The following NKAIN3 variants were observed in gnomAD, a reference collection of about 807,000 sequenced individuals.
NKAIN3 encodes sodium/potassium-transporting ATPase subunit beta-1-interacting protein 3.
NKAIN3 carries 25 observed loss-of-function variants against 30.2 expected under a neutral mutation model. The ratio of observed to expected loss-of-function variants is 0.83; its 90% CI spans 0.60 to 1.16. The LOEUF is 1.16. Among genes scored for constraint, NKAIN3 ranks in the 50% most tolerant of loss-of-function variants. NKAIN3 has a pLI of 0.00. For missense variants in NKAIN3, 225 were observed against 254.1 expected, an observed-to-expected ratio of 0.89 and a Z score of 0.78; for synonymous variants, 91 against 89.6, an observed-to-expected ratio of 1.02 and a Z score of -0.09.
rs1346222916 is a variant in NKAIN3, at chr8:62,743,409, G to A, written c.274-3523G>A. 2.0e-5 allele frequency among the ~76,000 whole-genome samples: 3 copies of A among 152,244 alleles called. No individual in the cohort carries two copies. The East Asian group carries it at 5.8e-4, about 29-fold the overall frequency. ...TGATACTTTTTTCCCCGTTGAAAGG[G>A]TCACAGTCCACACTCCTAAAACAAA... On this transcript the variant is annotated intron_variant, in intron 3 of 6. Transcript: ENST00000623646.
At chr8:62,603,091 T>C (rs888220306) in intron 3 of NKAIN3, among the ~76,000 whole-genome samples, 2 of 152,148 alleles carry the variant, frequency 1.3e-5, no homozygotes, top group African/African-American at 4.8e-5. Context: ...CGATTGAAGA[T>C]AAGATCATTG....
At position 62,457,448 on chromosome 8, in the gene NKAIN3, G is replaced by A. The variant is rs143680929; in HGVS notation, c.55-122091G>A. 1.1e-4 allele frequency among the ~76,000 whole-genome samples: 17 copies of A among 152,320 alleles called. No homozygotes were observed. The East Asian group carries it at 2.7e-3, about 24-fold the overall frequency. On this transcript the variant is annotated intron_variant, in intron 1 of 6. Coordinates refer to ENST00000623646, the MANE Select transcript of NKAIN3 (RefSeq NM_001304533.3). ...AAACATTGCAGTGATGGGTGATAGA[G>A]CAAATTCTTTCATCTGTTGGAGGGT...
intron 4 of NKAIN3, among the ~76,000 whole-genome samples, chr8:62,792,659 A>G (rs1443322532): frequency 6.7e-6 from 1 of 148,908 alleles, no homozygotes; most frequent in Non-Finnish European, 1.5e-5. Flanking sequence ...GGACCAAGGT[A>G]TCAAGGAAAA....
intron 3 of NKAIN3, among the ~76,000 whole-genome samples, chr8:62,622,252 T>C (rs1006853104): frequency 7.2e-5 from 11 of 152,088 alleles, no homozygotes; most frequent in Admixed American, 3.3e-4. Context: ...TGAACATTTA[T>C]GTACAGGTTT....
chr8:62,512,630 T>C (rs930147282), intron 1 of NKAIN3, among the ~76,000 whole-genome samples: 21 of 152,150 alleles, frequency 1.4e-4, no homozygotes, highest in African/African-American at 4.3e-4. Flanking sequence ...AGAAGTGACA[T>C]TGGGGAAGGA....
At chr8:62,509,266 C>T (rs570967419) in intron 1 of NKAIN3, among the ~76,000 whole-genome samples, 1 of 151,830 alleles carries the variant, frequency 6.6e-6, no homozygotes, top group Non-Finnish European at 1.5e-5. Flanking sequence ...TTCTTCTTAT[C>T]CCTCACCTCA....
chr8:62,286,945 G>C (rs1355992000), intron 1 of NKAIN3, among the ~76,000 whole-genome samples: 2 of 151,728 alleles, frequency 1.3e-5, no homozygotes, highest in East Asian at 3.9e-4. Flanking sequence ...ACTCTTTGCA[G>C]ACCTTTGAGG....
At chr8:62,318,135 T>C (rs1333948820) in intron 1 of NKAIN3, among the ~76,000 whole-genome samples, 2 of 152,250 alleles carry the variant, frequency 1.3e-5, no homozygotes, top group Non-Finnish European at 2.9e-5. Flanking sequence ...TTTTGTATCC[T>C]GTGACTTTGC....
chr8:62,510,397 C>T (rs976324816), intron 1 of NKAIN3, among the ~76,000 whole-genome samples: 1 of 152,152 alleles, frequency 6.6e-6, no homozygotes, highest in African/African-American at 2.4e-5. Context: ...CAAGGGCTAG[C>T]CTTCTCCTCT....
intron 1 of NKAIN3, among the ~76,000 whole-genome samples, chr8:62,308,047 T>A (rs1814311389): frequency 1.3e-5 from 2 of 150,492 alleles, no homozygotes; most frequent in Non-Finnish European, 2.9e-5. Flanking sequence ...TAGCATTATG[T>A]CAAGAGCTGT....
intron 1 of NKAIN3, among the ~76,000 whole-genome samples, chr8:62,462,754 A>T (rs1480071916): frequency 1.3e-5 from 2 of 152,190 alleles, no homozygotes; most frequent in Non-Finnish European, 2.9e-5. Flanking sequence ...AGACTTTTAG[A>T]TGAAAATCTG....
intron 4 of NKAIN3, among the ~76,000 whole-genome samples, chr8:62,843,701 G>A (rs555652352): frequency 2.1e-4 from 32 of 152,166 alleles, no homozygotes; most frequent in South Asian, 1.5e-3. Flanking sequence ...GAAATGTAAG[G>A]TAATAAATTT....
intron 1 of NKAIN3, among the ~76,000 whole-genome samples, chr8:62,284,157 G>A (rs1813294123): frequency 6.6e-6 from 1 of 152,072 alleles, no homozygotes; most frequent in South Asian, 2.1e-4. Context: ...GTTTGCCAGG[G>A]TGAGGTGGGC....
At chr8:62,508,640 A>C (rs964894880) in intron 1 of NKAIN3, among the ~76,000 whole-genome samples, 1 of 152,198 alleles carries the variant, frequency 6.6e-6, no homozygotes, top group Non-Finnish European at 1.5e-5. Flanking sequence ...TTCTTCAAAG[A>C]CGACAGAATC....
At chr8:62,870,776 G>T (rs1336562168) in intron 4 of NKAIN3, among the ~76,000 whole-genome samples, 1 of 138,602 alleles carries the variant, frequency 7.2e-6, no homozygotes, top group Non-Finnish European at 1.6e-5. Context: ...TATATAGAGA[G>T]ATATATATTG....
At chr8:62,470,649 A>G (rs1263298004) in intron 1 of NKAIN3, among the ~76,000 whole-genome samples, 1 of 152,154 alleles carries the variant, frequency 6.6e-6, no homozygotes, top group Non-Finnish European at 1.5e-5. Context: ...GATTTAGACA[A>G]TGAAAATACT....
chr8:62,973,889 C>T lies in NKAIN3; in HGVS notation c.*8482C>T, dbSNP rs1195815484. On this transcript the variant is annotated 3_prime_UTR_variant, in exon 7 of 7. Transcript: ENST00000623646. Reference sequence around the variant, plus strand: ...GTTTCAGTTTTCTGCGTATGGCTAGCTAATTTTCCCAGCACCATTTATTAA... The same window carrying T: ...GTTTCAGTTTTCTGCGTATGGCTAGTTAATTTTCCCAGCACCATTTATTAA... Among the ~76,000 whole-genome samples, 4 of 152,150 alleles carry T rather than the reference C, an allele frequency of 2.6e-5. No homozygotes were observed. The highest frequency in any genetic ancestry group is 9.7e-5 in the African/African-American group (4 of 41,442).
chr8:62,860,039 T>C (rs1473941370), intron 4 of NKAIN3, among the ~76,000 whole-genome samples: 1 of 152,206 alleles, frequency 6.6e-6, no homozygotes, highest in Non-Finnish European at 1.5e-5. Flanking sequence ...AGGAATGACC[T>C]CAGAAATGTC....
At chr8:62,452,671 A>G (rs1805684014) in intron 1 of NKAIN3, among the ~76,000 whole-genome samples, 1 of 152,180 alleles carries the variant, frequency 6.6e-6, no homozygotes, top group African/African-American at 2.4e-5. Flanking sequence ...AAAATAAAAG[A>G]GTCTTGATTC....
Sources: gnomAD v4.1 joint callset for allele counts (sites outside exome capture counted in the v4.1 genomes callset) on GRCh38, gnomAD v4.1.1 for gene constraint, MANE v1.5 for transcripts, NCBI Gene and HGNC (gene_info 2026-07-23, HGNC 2026-07-21) for gene names.